The following PTPRD variants were observed in gnomAD, a reference collection of about 807,000 sequenced individuals.
PTPRD encodes the protein protein tyrosine phosphatase receptor type D.
A neutral mutation model predicts 214.5 loss-of-function variants in PTPRD; 34 were observed. The ratio of observed to expected loss-of-function variants is 0.16; its 90% CI spans 0.12 to 0.21. The LOEUF is 0.21. Ranked by LOEUF, PTPRD falls within the 10% of genes least tolerant of loss-of-function variation. PTPRD has a pLI of 1.00. For missense variants in PTPRD, 2,545 were observed against 2,398.7 expected (o/e 1.06, Z -1.27); for synonymous variants, 1,128 against 845.7 (o/e 1.33, Z -5.79).
At chr9:8,483,692 T>C (rs1306503069) in intron 30 of PTPRD, among the ~76,000 whole-genome samples, 1 of 152,102 alleles carries the variant, frequency 6.6e-6, no homozygotes, top group Non-Finnish European at 1.5e-5. Context: ...GGCAAGGGAA[T>C]CTCTTGAACC....
chr9:8,669,324 T>C (rs897938332), intron 12 of PTPRD, among the ~76,000 whole-genome samples: 1 of 152,150 alleles, frequency 6.6e-6, no homozygotes, highest in Admixed American at 6.5e-5. Flanking sequence ...ACCATGTATC[T>C]CCTGAAGGCT....
chr9:9,847,644 T>C (rs982737089), intron 5 of PTPRD, among the ~76,000 whole-genome samples: 4 of 152,124 alleles, frequency 2.6e-5, no homozygotes, highest in Middle Eastern at 3.2e-3. Flanking sequence ...CATTATTCCA[T>C]TCCTTCTGTT....
chr9:9,089,322 AG>A (rs2099772146), intron 10 of PTPRD, among the ~76,000 whole-genome samples: 1 of 152,236 alleles, frequency 6.6e-6, no homozygotes, highest in Non-Finnish European at 1.5e-5. Context: ...TGGCAAAAAC[AG>A]GCAGTGGGCC....
At chr9:8,709,840 G>A (rs1320842136) in intron 12 of PTPRD, among the ~76,000 whole-genome samples, 2 of 152,138 alleles carry the variant, frequency 1.3e-5, no homozygotes, top group Non-Finnish European at 1.5e-5. Flanking sequence ...CTAAGGGAAA[G>A]GTAAATAGGG....
At chr9:8,389,493 T>C in intron 36 of PTPRD, 86 bp from the exon 37 acceptor site, 1 of 1,008,646 alleles carries the variant, frequency 9.9e-7, no homozygotes, top group Non-Finnish European at 1.4e-6. Flanking sequence ...AGTGCTATCT[T>C]ACTGTTCCAC....
At chr9:10,153,506 A>T (rs1434228154) in intron 3 of PTPRD, among the ~76,000 whole-genome samples, 1 of 150,566 alleles carries the variant, frequency 6.6e-6, no homozygotes, top group Non-Finnish European at 1.5e-5. Flanking sequence ...CAATTTTTAT[A>T]TATTATATAT....
chr9:10,412,567 G>A (rs956916970), intron 2 of PTPRD, among the ~76,000 whole-genome samples: 1 of 151,316 alleles, frequency 6.6e-6, no homozygotes, highest in Non-Finnish European at 1.5e-5. Context: ...CTCATTTTAT[G>A]AGGGCAGAAT....
At chr9:8,756,941 G>A (rs2094033966) in intron 11 of PTPRD, among the ~76,000 whole-genome samples, 1 of 152,076 alleles carries the variant, frequency 6.6e-6, no homozygotes, top group East Asian at 1.9e-4. Context: ...AGGAGTTCAA[G>A]ACCACCTTGG....
intron 11 of PTPRD, among the ~76,000 whole-genome samples, chr9:9,002,095 T>C (rs1319915460): frequency 6.6e-6 from 1 of 151,864 alleles, no homozygotes; most frequent in African/African-American, 2.4e-5. Flanking sequence ...TAACAAAAGA[T>C]TTTTTCCCTG....
chr9:8,365,955 G>A (rs2079758798), intron 39 of PTPRD, among the ~76,000 whole-genome samples: 1 of 152,098 alleles, frequency 6.6e-6, no homozygotes, highest in Admixed American at 6.5e-5. Flanking sequence ...ACAAATTACT[G>A]TGGTTTTAAG....
intron 4 of PTPRD, among the ~76,000 whole-genome samples, chr9:9,947,606 T>A (rs1283315448): frequency 3.5e-5 from 2 of 57,432 alleles, no homozygotes; most frequent in Non-Finnish European, 6.4e-5. Flanking sequence ...AATATATATA[T>A]TTTATATATA....
At chr9:10,370,022 T>C (rs374204853) in intron 2 of PTPRD, among the ~76,000 whole-genome samples, 1 of 152,068 alleles carries the variant, frequency 6.6e-6, no homozygotes, top group Non-Finnish European at 1.5e-5. Flanking sequence ...GGCACTATTA[T>C]TATCCCTTTT....
At chr9:10,570,524 G>A (rs988730681) in intron 2 of PTPRD, among the ~76,000 whole-genome samples, 2 of 151,956 alleles carry the variant, frequency 1.3e-5, no homozygotes, top group South Asian at 2.1e-4. Context: ...ATGTAAATTG[G>A]AATTCTGAAG....
intron 5 of PTPRD, among the ~76,000 whole-genome samples, chr9:9,786,024 A>G (rs190899709): frequency 6.6e-6 from 1 of 152,324 alleles, no homozygotes; most frequent in African/African-American, 2.4e-5. Flanking sequence ...TTTTTTCTCC[A>G]AATACAATGA....
At chr9:9,534,961 T>C (rs1334487283) in intron 8 of PTPRD, among the ~76,000 whole-genome samples, 1 of 152,080 alleles carries the variant, frequency 6.6e-6, no homozygotes, top group African/African-American at 2.4e-5. Flanking sequence ...ACTGTAAAGA[T>C]GAGGAACAAG....
intron 3 of PTPRD, among the ~76,000 whole-genome samples, chr9:10,270,443 G>C (rs1167058753): frequency 6.6e-6 from 1 of 152,146 alleles, no homozygotes; most frequent in East Asian, 1.9e-4. Flanking sequence ...GAGACTTGTT[G>C]TATATATTTT....
intron 12 of PTPRD, among the ~76,000 whole-genome samples, chr9:8,721,856 C>A (rs138262297): frequency 6.6e-6 from 1 of 152,174 alleles, no homozygotes; most frequent in Non-Finnish European, 1.5e-5. Flanking sequence ...TTCTCCCTTC[C>A]AAACCCCATA....
At position 8,926,676 on chromosome 9, in the gene PTPRD, C is replaced by G. The variant is rs1457638661; in HGVS notation, c.-104+92021G>C. Among the ~76,000 whole-genome samples the G allele has an allele frequency of 3.3e-5, 5 of 152,174 alleles. No homozygotes were observed. In the South Asian group the frequency reaches 6.2e-4, roughly 19 times the overall value. ...ATCATTCCCATGTCTGAATTCTATT[C>G]TGTCAGGATTTGTATTTCTTCCTTG... On this transcript the variant is annotated intron_variant, in intron 11 of 45. Transcript: ENST00000381196.
At chr9:9,335,254 C>T (rs1249777103) in intron 9 of PTPRD, among the ~76,000 whole-genome samples, 1 of 151,996 alleles carries the variant, frequency 6.6e-6, no homozygotes, top group Non-Finnish European at 1.5e-5. Flanking sequence ...AGAATTTCAT[C>T]CCCAGTTGAA....
Sources: gnomAD v4.1 joint callset for allele counts (sites outside exome capture counted in the v4.1 genomes callset) on GRCh38, gnomAD v4.1.1 for gene constraint, MANE v1.5 for transcripts, NCBI Gene and HGNC (gene_info 2026-07-23, HGNC 2026-07-21) for gene names.